The following FHIT variants were observed in gnomAD, a reference collection of about 807,000 sequenced individuals.
The protein encoded by FHIT is fragile histidine triad diadenosine triphosphatase, also known as bis(5'-adenosyl)-triphosphatase.
Under a neutral mutation model 17.9 loss-of-function variants are expected in FHIT, and 19 were observed. That is an observed-to-expected ratio of 1.06 (90% CI 0.74 to 1.56). FHIT has a LOEUF of 1.56. Among genes scored for constraint, FHIT ranks in the 40% most tolerant of loss-of-function variants. The pLI, the probability that FHIT is intolerant of heterozygous loss-of-function variation, is 0.00. For synonymous variants in FHIT, 81 were observed against 69.7 expected (o/e 1.16, Z -0.81); for missense variants, 248 against 189.2 (o/e 1.31, Z -1.82).
intron 3 of FHIT, among the ~76,000 whole-genome samples, chr3:60,865,941 A>AT (rs1321817366): frequency 7.2e-5 from 11 of 151,828 alleles, no homozygotes; most frequent in African/African-American, 1.7e-4. Flanking sequence ...ACAATTGTAG[A>AT]TTTTTTTTTA....
intron 7 of FHIT, among the ~76,000 whole-genome samples, chr3:59,937,333 C>G (rs1234337604): frequency 2.0e-5 from 3 of 152,052 alleles, no homozygotes; most frequent in Non-Finnish European, 2.9e-5. Flanking sequence ...AACAAAGGAC[C>G]CTTCACAGTG....
At chr3:60,911,798 A>T (rs1475855312) in intron 3 of FHIT, among the ~76,000 whole-genome samples, 1 of 152,154 alleles carries the variant, frequency 6.6e-6, no homozygotes, top group South Asian at 2.1e-4. Context: ...TACCATAGAG[A>T]ATGAAACAAT....
rs990928405 is a variant in FHIT, at chr3:59,747,957, C to G, written c.*1628G>C. On this transcript the variant is annotated 3_prime_UTR_variant, in exon 10 of 10. Coordinates refer to ENST00000492590, the MANE Select transcript of FHIT (RefSeq NM_002012.4). ...TAATCTTAAGTGATCTACATTGAAT[C>G]TCTCAGTAGGTTATTCTCTTTAATC... is the stretch of plus-strand genomic sequence containing the variant. Among the ~76,000 whole-genome samples the G allele has an allele frequency of 6.6e-6, 1 of 152,164 alleles. No homozygotes were observed. The highest frequency in any genetic ancestry group is 2.4e-5 in the African/African-American group (1 of 41,448).
intron 3 of FHIT, among the ~76,000 whole-genome samples, chr3:60,876,127 A>G (rs1480687246): frequency 6.6e-6 from 1 of 152,110 alleles, no homozygotes; most frequent in Non-Finnish European, 1.5e-5. Flanking sequence ...AAACCACCTG[A>G]GATTTTATCA....
Position 60,875,040 on chromosome 3 carries a change from C to G in FHIT, c.-110-53029G>C, listed in dbSNP as rs893807356. Among the ~76,000 whole-genome samples, 10 of 152,120 alleles carry G rather than the reference C, an allele frequency of 6.6e-5. No homozygotes were observed. In the East Asian group the frequency reaches 1.9e-3, roughly 29 times the overall value. On this transcript the variant is annotated intron_variant, in intron 3 of 9. Transcript: ENST00000492590. ...TAAAATGGGAGCATATGTCAGGCAA[C>G]AGTAGATGCTCAGCAATGTTCTTTT...
intron 8 of FHIT, among the ~76,000 whole-genome samples, chr3:59,820,169 T>C (rs1338557516): frequency 1.3e-5 from 2 of 152,262 alleles, no homozygotes; most frequent in Admixed American, 6.5e-5. Context: ...GTTAATTTGC[T>C]GAGAACCAAG....
chr3:61,158,537 C>A (rs2037597413), intron 2 of FHIT, among the ~76,000 whole-genome samples: 1 of 152,108 alleles, frequency 6.6e-6, no homozygotes, highest in South Asian at 2.1e-4. Flanking sequence ...GTCCTTGTAC[C>A]CCTACTTCAC....
chr3:60,469,456 A>G (rs1206934819), intron 5 of FHIT, among the ~76,000 whole-genome samples: 2 of 152,164 alleles, frequency 1.3e-5, no homozygotes, highest in Non-Finnish European at 2.9e-5. Context: ...TGCATTCTTC[A>G]GTAGGCCAGC....
intron 7 of FHIT, among the ~76,000 whole-genome samples, chr3:59,953,847 T>A (rs1351660629): frequency 6.6e-6 from 1 of 152,232 alleles, no homozygotes; most frequent in African/African-American, 2.4e-5. Context: ...AGTGTGTGCC[T>A]GGTACCTACT....
At chr3:60,267,840 G>A (rs777850692) in intron 5 of FHIT, among the ~76,000 whole-genome samples, 3 of 152,126 alleles carry the variant, frequency 2.0e-5, no homozygotes, top group Non-Finnish European at 4.4e-5. Flanking sequence ...TTGAAGATGT[G>A]TGATATTCAG....
intron 7 of FHIT, among the ~76,000 whole-genome samples, chr3:59,966,457 T>C (rs913227675): frequency 1.3e-5 from 2 of 152,184 alleles, no homozygotes. Flanking sequence ...AGTATACTAG[T>C]ATATTTCACC....
intron 8 of FHIT, among the ~76,000 whole-genome samples, chr3:59,833,255 T>C (rs1249455172): frequency 6.6e-6 from 1 of 152,154 alleles, no homozygotes; most frequent in African/African-American, 2.4e-5. Context: ...TATTTGGAAA[T>C]GGCATTGAGG....
chr3:60,489,626 T>G (rs193290866), intron 5 of FHIT, among the ~76,000 whole-genome samples: 7 of 152,302 alleles, frequency 4.6e-5, no homozygotes, highest in African/African-American at 1.2e-4. Context: ...AATAAGAACA[T>G]CTGCCTGCTT....
intron 5 of FHIT, among the ~76,000 whole-genome samples, chr3:60,131,341 G>T (rs1039547934): frequency 2.0e-5 from 3 of 151,418 alleles, no homozygotes; most frequent in Admixed American, 6.6e-5. Context: ...ACTTTTTATG[G>T]TTTTTTTCCC....
At chr3:60,414,449 C>A (rs951547126) in intron 5 of FHIT, among the ~76,000 whole-genome samples, 1 of 152,298 alleles carries the variant, frequency 6.6e-6, no homozygotes, top group South Asian at 2.1e-4. Flanking sequence ...AAATTCAGAA[C>A]CTGTCTAGGA....
chr3:60,446,776 C>G (rs911986545), intron 5 of FHIT, among the ~76,000 whole-genome samples: 4 of 151,450 alleles, frequency 2.6e-5, no homozygotes, highest in African/African-American at 9.7e-5. Context: ...CTGCTTGAGC[C>G]CAGGAGTTTG....
intron 5 of FHIT, among the ~76,000 whole-genome samples, chr3:60,100,691 G>C (rs1704155583): frequency 6.6e-6 from 1 of 152,028 alleles, no homozygotes; most frequent in Non-Finnish European, 1.5e-5. Flanking sequence ...ACAAAGTTTA[G>C]CTTAAAACCA....
At chr3:60,562,078 A>G (rs181008) in intron 4 of FHIT, among the ~76,000 whole-genome samples, 22,964 of 152,086 alleles carry the variant, frequency 0.15, 2,195 homozygotes, top group East Asian at 0.37. Flanking sequence ...CATTTATTCA[A>G]CATCTACTAT....
intron 8 of FHIT, among the ~76,000 whole-genome samples, chr3:59,883,806 A>T (rs943743581): frequency 6.6e-6 from 1 of 152,234 alleles, no homozygotes; most frequent in East Asian, 1.9e-4. Flanking sequence ...TAGATTTAAG[A>T]AAGTGATGGG....
Sources: allele counts gnomAD v4.1 joint callset (sites outside exome capture counted in the v4.1 genomes callset), GRCh38; gene constraint gnomAD v4.1.1; transcripts MANE v1.5; gene names NCBI Gene and HGNC (gene_info 2026-07-23, HGNC 2026-07-21).